Variants in PPP1R37 observed in about 807,000 individuals in gnomAD.
PPP1R37 encodes leucine rich repeat containing 68.
PPP1R37 carries 21 observed loss-of-function variants against 61.0 expected under a neutral mutation model. The observed-to-expected ratio is 0.34, with a 90% CI of 0.24 to 0.50. The LOEUF is 0.50. Among genes scored for constraint, PPP1R37 ranks in the 20% least tolerant of loss-of-function variants. The pLI is 0.98. For missense variants in PPP1R37, 910 were observed against 952.7 expected (o/e 0.96, Z 0.59); for synonymous variants, 443 against 433.5 (o/e 1.02, Z -0.27).
chr19:45,106,713 T>G lies in PPP1R37; in HGVS notation c.202+13186T>G, dbSNP rs143667680. On this transcript the variant is annotated intron_variant, in intron 1 of 12. Transcript: ENST00000221462. Reference sequence around the variant, plus strand: ...ACCATGCCTGGCTGATTTTCTTATTTTTAATTGTTTTGTAGAGATGGATTT... The same window carrying G: ...ACCATGCCTGGCTGATTTTCTTATTGTTAATTGTTTTGTAGAGATGGATTT... Among the ~76,000 whole-genome samples, 319 of 152,166 alleles carry G rather than the reference T, an allele frequency of 2.1e-3. 9 individuals carry two copies. The East Asian group carries it at 0.056, about 27-fold the overall frequency.
chr19:45,118,850 C>T (rs1345028330), intron 1 of PPP1R37, among the ~76,000 whole-genome samples: 1 of 152,204 alleles, frequency 6.6e-6, no homozygotes, highest in Non-Finnish European at 1.5e-5. Flanking sequence ...CCGGGCTGGG[C>T]TTTATAACTA....
At chr19:45,124,809 A>AG (rs199564541) in intron 1 of PPP1R37, among the ~76,000 whole-genome samples, 10 of 140,734 alleles carry the variant, frequency 7.1e-5, no homozygotes, top group Admixed American at 2.0e-4. Flanking sequence ...TAAAAAAAGA[A>AG]AAAAAAAAAA....
intron 5 of PPP1R37, 29 bp from the exon 6 acceptor site, chr19:45,142,032 G>A (rs1438173042): frequency 6.8e-7 from 1 of 1,477,352 alleles, no homozygotes; most frequent in Non-Finnish European, 9.0e-7. Context: ...CTGAGCCAGT[G>A]CCTCACCCCT....
At chr19:45,131,387 T>A (rs1447418881) in intron 1 of PPP1R37, among the ~76,000 whole-genome samples, 2 of 152,158 alleles carry the variant, frequency 1.3e-5, no homozygotes, top group African/African-American at 4.8e-5. Flanking sequence ...CTTCCCCTCC[T>A]CAGGCCAGAC....
At chr19:45,093,681 AG>A (rs1967953886) in intron 1 of PPP1R37, among the ~76,000 whole-genome samples, 154 bp downstream of exon 1, 1 of 152,192 alleles carries the variant, frequency 6.6e-6, no homozygotes, top group South Asian at 2.1e-4. Context: ...TCTGTTAGAA[AG>A]GGGGTGGCTA....
intron 4 of PPP1R37, 107 bp from the exon 5 acceptor site, chr19:45,141,215 C>T: frequency 1.5e-6 from 2 of 1,315,844 alleles, no homozygotes; most frequent in Non-Finnish European, 2.0e-6. Flanking sequence ...GTGGCTCTCT[C>T]CAGACCCTGG....
At chr19:45,134,701 A>G (rs1024662533) in intron 1 of PPP1R37, among the ~76,000 whole-genome samples, 7 of 152,030 alleles carry the variant, frequency 4.6e-5, no homozygotes, top group African/African-American at 9.7e-5. Context: ...GTGGAACTAC[A>G]GGAACCCACC....
At position 45,121,759 on chromosome 19, in the gene PPP1R37, T is replaced by C. The variant is rs1968345149; in HGVS notation, c.203-16755T>C. The stretch of plus-strand genomic sequence containing the variant: ...TTCTGTGGTTGCTCCAGGATTGGAC[T>C]TAGAAATCTGGGTTTGACTACATAT... On this transcript the variant is annotated intron_variant, in intron 1 of 12. Transcript: ENST00000221462. The surrounding 1 kb of genome is among the most constrained non-coding windows in gnomAD (Gnocchi z 4.2). Among the ~76,000 whole-genome samples the C allele has an allele frequency of 6.6e-6, 1 of 152,222 alleles. No homozygotes were observed.
At chr19:45,139,837 C>T (rs1454752711) in intron 2 of PPP1R37, among the ~76,000 whole-genome samples, 1 of 152,248 alleles carries the variant, frequency 6.6e-6, no homozygotes, top group African/African-American at 2.4e-5. Flanking sequence ...GCCCCAGGCC[C>T]TGCCTTCACC....
chr19:45,143,370 G>GCAGCCA lies in PPP1R37; in HGVS notation c.875-151_875-150insCAGCCA. On this transcript the variant is annotated intron_variant, in intron 7 of 12. Coordinates refer to ENST00000221462, the MANE Select transcript of PPP1R37 (RefSeq NM_019121.2). ...AGGGGTCACAGATGTGTGCCCAGGG[G>GCAGCCA]TGCCAGGCCGAGGCAGGGCTGCAGG... 4 of 572,684 alleles carry GCAGCCA rather than the reference G, an allele frequency of 7.0e-6. No homozygotes were observed. The South Asian group carries it at 8.2e-5, about 12-fold the overall frequency. The allele number at this position is 572,684 out of a possible 1,614,324, so 35.5% of individuals were successfully genotyped here.
At chr19:45,143,453 ACCCTGCAGTC>A in intron 7 of PPP1R37, 58 bp from the exon 8 acceptor site, 1 of 918,748 alleles carries the variant, frequency 1.1e-6, no homozygotes, top group Non-Finnish European at 1.7e-6. Context: ...GGTTGCTCCT[ACCCTGCAGTC>A]CCCTCCCCAG....
chr19:45,101,053 C>T (rs943166437), intron 1 of PPP1R37, among the ~76,000 whole-genome samples: 1 of 152,128 alleles, frequency 6.6e-6, no homozygotes. Flanking sequence ...AGAAGACAGG[C>T]CCAGTCCATG....
In PPP1R37 at chr19:45,145,683, A is replaced by T. The variant is rs952317569; in HGVS notation, c.1627A>T (p.Arg543Trp). The change falls in exon 11 of 13, where the codon AGG becomes TGG. Residue 543 changes from arginine (R) to tryptophan (W), a missense_variant. By Grantham distance (101) the Arg-to-Trp change is moderately radical. Coordinates refer to ENST00000221462, the MANE Select transcript of PPP1R37 (RefSeq NM_019121.2). Reference sequence around the variant, plus strand: ...CACGGACTCCCTGGGCCCTGGGGACAGGAGTCCCCCAGGCAGCCCCTCCAC... The same window carrying T: ...CACGGACTCCCTGGGCCCTGGGGACTGGAGTCCCCCAGGCAGCCCCTCCAC... Reference protein sequence around the residue: ...PPTDSLGPGDRSPPGSPSTPT... With the variant: ...PPTDSLGPGDWSPPGSPSTPT... The T allele has an allele frequency of 6.5e-7, 1 of 1,534,338 alleles. No homozygotes were observed. Among genetic ancestry groups the T allele is most frequent in the African/African-American group, 1.4e-5 (1 of 72,910 alleles).
Position 45,130,626 on chromosome 19 carries a change from C to A in PPP1R37, c.203-7888C>A, listed in dbSNP as rs1968464933. Among the ~76,000 whole-genome samples, 1 of 152,208 alleles carries A rather than the reference C, an allele frequency of 6.6e-6. No homozygotes were observed. The highest frequency in any genetic ancestry group is 1.5e-5 in the Non-Finnish European group (1 of 68,026). On this transcript the variant is annotated intron_variant, in intron 1 of 12. Coordinates refer to ENST00000221462, the MANE Select transcript of PPP1R37 (RefSeq NM_019121.2). The surrounding 1 kb of genome is among the most constrained non-coding windows in gnomAD (Gnocchi z 4.4). Reference sequence around the variant, plus strand: ...CTCCTTTCTGTTCATTCCAAAATAACAAAATAACACCTGCATTGCAAAGCG... The same window carrying A: ...CTCCTTTCTGTTCATTCCAAAATAAAAAAATAACACCTGCATTGCAAAGCG...
Position 45,130,055 on chromosome 19 carries a change from C to T in PPP1R37, c.203-8459C>T, listed in dbSNP as rs1028901981. Reference sequence around the variant, plus strand: ...GGGTCCAGGCAGCACAGGACCTAACCAGCAGGGTGCCAAGCAGGGGGATGC... The same window carrying T: ...GGGTCCAGGCAGCACAGGACCTAACTAGCAGGGTGCCAAGCAGGGGGATGC... On this transcript the variant is annotated intron_variant, in intron 1 of 12. Transcript: ENST00000221462. The surrounding 1 kb of genome is among the most constrained non-coding windows in gnomAD (Gnocchi z 4.4). Among the ~76,000 whole-genome samples, 1 of 152,124 alleles carries T rather than the reference C, an allele frequency of 6.6e-6. No individual in the cohort carries two copies. Among genetic ancestry groups the T allele is most frequent in the Admixed American group, 6.5e-5 (1 of 15,274 alleles).
At chr19:45,145,041 G>T (rs1393010858) in intron 9 of PPP1R37, 46 bp downstream of exon 9, 2 of 1,520,976 alleles carry the variant, frequency 1.3e-6, no homozygotes, top group Admixed American at 2.0e-5. Flanking sequence ...GGGCTCAGCC[G>T]GGCGGCCAGC....
intron 2 of PPP1R37, among the ~76,000 whole-genome samples, chr19:45,138,953 T>G (rs1004089025): frequency 2.8e-5 from 4 of 140,826 alleles, no homozygotes; most frequent in African/African-American, 1.1e-4. Flanking sequence ...CGCTTTTGTC[T>G]CCCAGGCTGG....
rs895049686 is a variant in PPP1R37, at chr19:45,144,960, G to A, written c.1094G>A (p.Arg365His). The change falls in exon 9 of 13, where the codon CGC becomes CAC. Residue 365 changes from arginine to histidine, a missense_variant. This residue lies in a region of PPP1R37 where 549 missense variants were observed against 505.1 expected (regional missense o/e 1.09). Coordinates refer to ENST00000221462, the MANE Select transcript of PPP1R37 (RefSeq NM_019121.2). Reference sequence around the variant, plus strand: ...CTCATCAGCAACCGCAGCGTGCTGCGCCTCGGGCTGGCCTCCACCAAGCTC... The same window carrying A: ...CTCATCAGCAACCGCAGCGTGCTGCACCTCGGGCTGGCCTCCACCAAGCTC... The part of the protein sequence containing the change: ...NGLISNRSVL[R>H]LGLASTKLTC... 1.3e-6 allele frequency: 2 copies of A among 1,535,432 alleles called. No individual in the cohort carries two copies. Among genetic ancestry groups the A allele is most frequent in the Admixed American group, 3.9e-5 (2 of 50,956 alleles).
intron 1 of PPP1R37, among the ~76,000 whole-genome samples, chr19:45,095,571 T>G (rs546606684): frequency 6.6e-6 from 1 of 151,634 alleles, no homozygotes; most frequent in Admixed American, 6.6e-5. Flanking sequence ...AAGACCAGCT[T>G]GGGCAACAAG....
Sources: gnomAD v4.1 joint callset for allele counts (sites outside exome capture counted in the v4.1 genomes callset) on GRCh38, gnomAD v4.1.1 for gene constraint, gnomAD v4.1.1 regional missense constraint, Gnocchi (gnomAD v3.1) non-coding constraint, MANE v1.5 for transcripts, NCBI Gene and HGNC (gene_info 2026-07-23, HGNC 2026-07-21) for gene names.